Variants in MAP2K7 observed in about 807,000 individuals in gnomAD.
The protein encoded by MAP2K7 is mitogen-activated protein kinase kinase 7, also known as dual specificity mitogen-activated protein kinase kinase 7.
In MAP2K7, 12 loss-of-function variants were observed where a neutral mutation model predicts 47.7. The observed-to-expected ratio is 0.25, with a 90% confidence interval of 0.16 to 0.41. The LOEUF (loss-of-function observed/expected upper bound fraction) is 0.41, where lower values mean the gene tolerates loss of function less well. MAP2K7 is among the 10% of genes least tolerant of loss of function. The pLI, the probability that MAP2K7 is intolerant of heterozygous loss-of-function variation, is 1.00. For synonymous variants in MAP2K7, 299 were observed against 243.0 expected, an observed-to-expected ratio of 1.23 and a Z score of -2.14; for missense variants, 415 against 600.3, an observed-to-expected ratio of 0.69 and a Z score of 3.23.
chr19:7,904,222 G>A (rs1240465191), intron 1 of MAP2K7, among the ~76,000 whole-genome samples, 154 bp downstream of exon 1: 2 of 151,876 alleles, frequency 1.3e-5, no homozygotes, highest in Non-Finnish European at 2.9e-5. Flanking sequence ...CGAGGGTCAC[G>A]GTGACCCGGG....
chr19:7,911,633 T>G, intron 9 of MAP2K7, 55 bp downstream of exon 9: 1 of 1,507,546 alleles, frequency 6.6e-7, no homozygotes, highest in African/African-American at 1.4e-5. Context: ...TCTGGGCAGC[T>G]GGGGAGGCAA....
chr19:7,905,488 C>G (rs995898563), intron 1 of MAP2K7, among the ~76,000 whole-genome samples: 2 of 152,174 alleles, frequency 1.3e-5, no homozygotes, highest in African/African-American at 2.4e-5. Context: ...CCCTGGGGGC[C>G]GCCCTCCCTG....
chr19:7,912,461 G>C lies in MAP2K7; in HGVS notation c.*30G>C. On this transcript the variant is annotated 3_prime_UTR_variant, in exon 11 of 11. Transcript: ENST00000397979. ...TTGGCGGCGGCCAGCCCCACAGGGG[G>C]CCAGGGGCATGGCCACAGGCCCCCC... 6.3e-7 allele frequency: 1 copy of C among 1,595,008 alleles called. No homozygotes were observed. Among genetic ancestry groups the C allele is most frequent in the Middle Eastern group, 2.0e-4 (1 of 5,066 alleles).
At chr19:7,907,210 G>GCT (rs1274533400) in intron 1 of MAP2K7, 2 of 152,396 alleles carry the variant, frequency 1.3e-5, no homozygotes, top group Non-Finnish European at 1.5e-5. Flanking sequence ...GGCCGCCAGG[G>GCT]CTCTGAGCGC....
chr19:7,905,190 C>G (rs559658465), intron 1 of MAP2K7, among the ~76,000 whole-genome samples: 14 of 152,324 alleles, frequency 9.2e-5, no homozygotes, highest in African/African-American at 3.1e-4. Context: ...AAAATTCTCT[C>G]TTGTCTCCTC....
chr19:7,906,119 G>A (rs1982439575), intron 1 of MAP2K7: 7 of 528,612 alleles, frequency 1.3e-5, no homozygotes, highest in Non-Finnish European at 2.4e-5. Flanking sequence ...CCCACTGAAT[G>A]GGAGTCTGTG....
Position 7,912,561 on chromosome 19 carries a change from A to G in MAP2K7, c.*130A>G. On this transcript the variant is annotated 3_prime_UTR_variant, in exon 11 of 11. Coordinates refer to ENST00000397979, the MANE Select transcript of MAP2K7 (RefSeq NM_145185.4). ...CGGCCACCTAGGACTGAGGACAGAG[A>G]GTGGGGGGTGCCCACCCACCCCCCC... 8.8e-7 allele frequency: 1 copy of G among 1,138,896 alleles called. No individual in the cohort carries two copies. Among genetic ancestry groups the G allele is most frequent in the Admixed American group, 2.9e-5 (1 of 34,400 alleles). 70.5% of individuals were successfully genotyped at this position (1,138,896 alleles called of 1,614,324 possible).
chr19:7,908,730 G>A (rs1035907690), intron 1 of MAP2K7, among the ~76,000 whole-genome samples: 2 of 152,052 alleles, frequency 1.3e-5, no homozygotes, highest in Admixed American at 6.5e-5. Flanking sequence ...TGGAGGCCAC[G>A]TTAGCATCCC....
In MAP2K7 at chr19:7,911,264, C is replaced by T. The variant is rs546802383; in HGVS notation, c.870C>T (p.Asp290=). 8 of 1,610,164 alleles carry T rather than the reference C, an allele frequency of 5.0e-6. No individual in the cohort carries two copies. The highest frequency in any genetic ancestry group is 2.7e-5 in the African/African-American group (2 of 74,952). ...CCCCCCTGCAGCCCGAGCGCATTGA[C>T]CCCCCAGACCCCACCAAGCCGGACT... ...CAAYMAPERI[D]PPDPTKPDYD... Residue 290 remains aspartate, a synonymous_variant, in exon 8 of 11, where the codon GAC becomes GAT. Transcript: ENST00000397979.
At chr19:7,904,569 C>T (rs533000610) in intron 1 of MAP2K7, 9 of 196,136 alleles carry the variant, frequency 4.6e-5, no homozygotes, top group Admixed American at 3.8e-4. Flanking sequence ...CACATAGAGC[C>T]CCTCCCCATC....
intron 1 of MAP2K7, among the ~76,000 whole-genome samples, chr19:7,908,416 G>A (rs1450000330): frequency 1.3e-5 from 2 of 152,164 alleles, no homozygotes; most frequent in Admixed American, 1.3e-4. Context: ...TGGGACTGAG[G>A]CGTCTTCCTG....
chr19:7,904,493 G>A, intron 1 of MAP2K7: 1 of 337,990 alleles, frequency 3.0e-6, no homozygotes, highest in Non-Finnish European at 5.9e-6. Flanking sequence ...GGGCTTGTCA[G>A]CCCCGTGCAG....
chr19:7,912,327 C>A lies in MAP2K7; in HGVS notation c.1156C>A (p.Leu386Met), dbSNP rs764054804. 1 of 1,613,660 alleles carries A rather than the reference C, an allele frequency of 6.2e-7. No individual in the cohort carries two copies. Among genetic ancestry groups the A allele is most frequent in the South Asian group, 1.1e-5 (1 of 91,088 alleles). The change falls in exon 11 of 11, where the codon CTG becomes ATG. Residue 386 changes from leucine to methionine, a missense_variant. Physicochemically the swap from Leu to Met is conservative, Grantham distance 15. Transcript: ENST00000397979. ...CAGCTTCATCAAGCGCTACGAGACG[C>A]TGGAGGTGGACGTGGCGTCCTGGTT... ...EHSFIKRYET[L>M]EVDVASWFKD...
At chr19:7,904,137 C>G in intron 1 of MAP2K7, 69 bp downstream of exon 1, 1 of 1,180,548 alleles carries the variant, frequency 8.5e-7, no homozygotes, top group Non-Finnish European at 1.1e-6. Context: ...AGGCCCCGCC[C>G]CCACCACAAG....
In MAP2K7 at chr19:7,903,923, G is replaced by C. The variant is rs564157092; in HGVS notation, c.-22G>C. On this transcript the variant is annotated 5_prime_UTR_variant, in exon 1 of 11. Transcript: ENST00000397979. ...ACTGACGGGCGGCCGGGCGGTGCGC[G>C]GCGGCGGTGGCGGCGGGGAAGATGG... 6.7e-6 allele frequency: 10 copies of C among 1,501,200 alleles called. No individual in the cohort carries two copies. In the East Asian group the frequency reaches 2.5e-4, roughly 37 times the overall value. 93.0% of individuals were successfully genotyped at this position (1,501,200 alleles called of 1,614,324 possible). A position where few individuals can be genotyped will look rare whatever the true frequency, so the allele number is the denominator to read the frequency against.
chr19:7,904,334 G>T, intron 1 of MAP2K7: 1 of 215,262 alleles, frequency 4.6e-6, no homozygotes, highest in South Asian at 7.1e-5. Flanking sequence ...CGCCCCCATC[G>T]CCGTGATCCT....
chr19:7,910,387 G>T lies in MAP2K7; in HGVS notation c.447+14G>T. ...ATTGCCGTTAAGGTGAGCCTTGGCGGCTACCCCGGCTGCGCCCCACACCCC... is the reference window on the plus strand; with the variant it reads ...ATTGCCGTTAAGGTGAGCCTTGGCGTCTACCCCGGCTGCGCCCCACACCCC... On this transcript the variant is annotated intron_variant, in intron 4 of 10. Coordinates refer to ENST00000397979, the MANE Select transcript of MAP2K7 (RefSeq NM_145185.4). 1 of 1,608,146 alleles carries T rather than the reference G, an allele frequency of 6.2e-7. No individual in the cohort carries two copies. Among genetic ancestry groups the T allele is most frequent in the Middle Eastern group, 1.7e-4 (1 of 6,054 alleles).
At chr19:7,911,403 A>C in intron 8 of MAP2K7, 33 bp from the exon 9 acceptor site, 5 of 1,613,312 alleles carry the variant, frequency 3.1e-6, no homozygotes, top group Non-Finnish European at 4.2e-6. Flanking sequence ...AGGAGAACAT[A>C]AACCTGTCCA....
intron 1 of MAP2K7, chr19:7,906,008 C>G (rs1982428541): frequency 1.4e-6 from 1 of 733,470 alleles, no homozygotes; most frequent in South Asian, 1.5e-5. Context: ...TCCACTCAAG[C>G]AGCGGTCAGC....
Sources: gnomAD v4.1 joint callset for allele counts (sites outside exome capture counted in the v4.1 genomes callset) on GRCh38, gnomAD v4.1.1 for gene constraint, MANE v1.5 for transcripts, NCBI Gene and HGNC (gene_info 2026-07-23, HGNC 2026-07-21) for gene names.